ABHD2: variants seen among roughly 807,000 people sequenced by gnomAD.
The protein encoded by ABHD2 is monoacylglycerol lipase ABHD2.
ABHD2 carries 20 observed loss-of-function variants against 48.1 expected under a neutral mutation model. The observed-to-expected ratio is 0.42, with a 90% CI of 0.29 to 0.60. ABHD2 has a LOEUF of 0.60. Ranked by LOEUF, ABHD2 falls within the 20% of genes least tolerant of loss-of-function variation. ABHD2 has a pLI of 0.24. For synonymous variants in ABHD2, 209 were observed against 214.2 expected (o/e 0.98, Z 0.21); for missense variants, 405 against 550.9 (o/e 0.74, Z 2.65).
the ABHD2 span, among the ~76,000 whole-genome samples, chr15:89,064,879 G>T: frequency 3.5e-4 from 53 of 152,044 alleles, no homozygotes; most frequent in Non-Finnish European, 6.8e-4. Flanking sequence ...CCTACTCCCA[G>T]CTGAAGAAAT....
In ABHD2 at chr15:89,175,856, A is replaced by G. The variant is rs147649579; in HGVS notation, c.583A>G (p.Thr195Ala). 7.4e-6 allele frequency: 12 copies of G among 1,614,092 alleles called. No individual in the cohort carries two copies. In the African/African-American group the frequency reaches 1.6e-4, roughly 22 times the overall value. ...AGCCATGGTGAACTACATCAAGAAGACATATCCCCTGACCCAGCTGGTCGT... is the reference window on the plus strand; with the variant it reads ...AGCCATGGTGAACTACATCAAGAAGGCATATCCCCTGACCCAGCTGGTCGT... ...FGAMVNYIKK[T>A]YPLTQLVVVG... Residue 195 changes from threonine (T) to alanine (A), a missense_variant, in exon 6 of 11, where the codon ACA becomes GCA. Coordinates refer to ENST00000352732, the MANE Select transcript of ABHD2 (RefSeq NM_152924.5). This position sits in a 1 kb window ranked among gnomAD's most constrained non-coding sequence, Gnocchi z 5.7.
chr15:89,152,262 G>A (rs1013976399), intron 4 of ABHD2, among the ~76,000 whole-genome samples: 5 of 151,942 alleles, frequency 3.3e-5, no homozygotes, highest in Admixed American at 6.6e-5. Flanking sequence ...TGTATTTTTA[G>A]TAGAGACGGG....
In ABHD2 at chr15:89,165,025, G is replaced by A. The variant is rs556342487; in HGVS notation, c.538+9491G>A. ...CAAGGACGAGTTTAAGAACCTGCTC[G>A]TGTTGAGCATAAAATTCTTCCTTCT... On this transcript the variant is annotated intron_variant, in intron 5 of 10. Coordinates refer to ENST00000352732, the MANE Select transcript of ABHD2 (RefSeq NM_152924.5). Among the ~76,000 whole-genome samples the A allele has an allele frequency of 3.9e-5, 6 of 152,340 alleles. No individual in the cohort carries two copies. In the South Asian group the frequency reaches 8.3e-4, roughly 21 times the overall value.
chr15:89,075,048 C>T, the ABHD2 span, among the ~76,000 whole-genome samples: 4 of 152,144 alleles, frequency 2.6e-5, no homozygotes, highest in Non-Finnish European at 5.9e-5. The surrounding 1 kb of genome is among the most constrained non-coding windows in gnomAD (Gnocchi z 4.1). Flanking sequence ...TGGCCAAACC[C>T]AGAGGCCTTT....
At position 89,154,210 on chromosome 15, in the gene ABHD2, G is replaced by A. The variant is rs1191130384; in HGVS notation, c.371-1157G>A. The stretch of plus-strand genomic sequence containing the variant: ...CAAACGATCCTCCTGCCTCAGCCTC[G>A]CAAATGGTTGGAATACAGACGTGTG... On this transcript the variant is annotated intron_variant, in intron 4 of 10. Transcript: ENST00000352732. Among the ~76,000 whole-genome samples, 65 of 152,026 alleles carry A rather than the reference G, an allele frequency of 4.3e-4. 1 individual carries two copies. The highest frequency in any genetic ancestry group is 4.2e-3 in the Admixed American group (64 of 15,262).
chr15:89,056,884 G>A, the ABHD2 span, among the ~76,000 whole-genome samples: 2 of 138,852 alleles, frequency 1.4e-5, no homozygotes, highest in Non-Finnish European at 1.6e-5. Context: ...TTTTCACACT[G>A]TTAATCCAGT....
At chr15:89,135,961 T>G in intron 3 of ABHD2, 1 of 401,850 alleles carries the variant, frequency 2.5e-6, no homozygotes, top group Non-Finnish European at 4.6e-6. Flanking sequence ...AGTTTCCCTT[T>G]TGTTGCCCAG....
At chr15:89,123,545 G>A (rs1207773322) in intron 3 of ABHD2, among the ~76,000 whole-genome samples, 2 of 145,998 alleles carry the variant, frequency 1.4e-5, no homozygotes, top group Non-Finnish European at 3.0e-5. Context: ...CCTCACAAAT[G>A]TGCTTCCTAG....
rs370406125 is a variant in ABHD2 at position 89,149,995 on chromosome 15, ACT to A, written c.195-1679_195-1678del. The stretch of plus-strand genomic sequence containing the variant: ...GCCAAGATTTTGAGGAGGGGACCTG[ACT>A]CTAAACTGGGAATGTGGCATCAGGA... On this transcript the variant is annotated intron_variant, in intron 3 of 10. Transcript: ENST00000352732. Among the ~76,000 whole-genome samples, 238 of 152,226 alleles carry A rather than the reference ACT, an allele frequency of 1.6e-3. 1 individual carries two copies. The highest frequency in any genetic ancestry group is 5.4e-3 in the African/African-American group (225 of 41,512).
chr15:89,195,363 A>G lies in ABHD2; in HGVS notation c.1218A>G (p.Gln406=), dbSNP rs1286055945. 2.5e-6 allele frequency: 4 copies of G among 1,614,184 alleles called. No individual in the cohort carries two copies. The highest frequency in any genetic ancestry group is 2.2e-5 in the East Asian group (1 of 44,878). ...LVVEYANAIC[Q]WERNKLQCSD... ...TGGAGTACGCCAACGCCATTTGCCA[A>G]TGGGAGCGTAACAAGTTGCAGTGCT... The change falls in exon 11 of 11, where the codon CAA becomes CAG. Residue 406 remains glutamine, a synonymous_variant. Transcript: ENST00000352732. The surrounding 1 kb of genome is among the most constrained non-coding windows in gnomAD (Gnocchi z 5.1).
chr15:89,135,584 C>T, intron 3 of ABHD2: 1 of 1,534,452 alleles, frequency 6.5e-7, no homozygotes, highest in South Asian at 1.1e-5. Context: ...TCATTCTTAT[C>T]CTCTTCATCT....
chr15:89,045,553 GTTTGTATCCTC>G, the ABHD2 span, among the ~76,000 whole-genome samples: 40 of 152,176 alleles, frequency 2.6e-4, no homozygotes, highest in African/African-American at 9.4e-4. Context: ...TCTTCCATTT[GTTTGTATCCTC>G]TTTTATTTCC....
the ABHD2 span, among the ~76,000 whole-genome samples, chr15:89,054,693 AG>A: frequency 6.8e-6 from 1 of 147,256 alleles, no homozygotes; most frequent in Admixed American, 6.8e-5. Flanking sequence ...AAAAGAAAAA[AG>A]AAAAAAAAAA....
In ABHD2 at chr15:89,189,675, T is replaced by C. The variant is rs2051271498; in HGVS notation, c.926+1372T>C. On this transcript the variant is annotated intron_variant, in intron 8 of 10. Coordinates refer to ENST00000352732, the MANE Select transcript of ABHD2 (RefSeq NM_152924.5). The surrounding 1 kb of genome is among the most constrained non-coding windows in gnomAD (Gnocchi z 4.9). ...AACGTTGAAATATGCCTGCTAACAGTTTCTCAAAGGAAATGAAAACTAGGA... is the reference window on the plus strand; with the variant it reads ...AACGTTGAAATATGCCTGCTAACAGCTTCTCAAAGGAAATGAAAACTAGGA... Among the ~76,000 whole-genome samples the C allele has an allele frequency of 6.6e-6, 1 of 152,064 alleles. No homozygotes were observed. Among genetic ancestry groups the C allele is most frequent in the African/African-American group, 2.4e-5 (1 of 41,394 alleles).
rs552274160 is a variant in ABHD2, at chr15:89,092,907, T to C, written c.-107+4344T>C. On this transcript the variant is annotated intron_variant, in intron 1 of 10. Coordinates refer to ENST00000352732, the MANE Select transcript of ABHD2 (RefSeq NM_152924.5). This position sits in a 1 kb window ranked among gnomAD's most constrained non-coding sequence, Gnocchi z 4.4. ...TTAGGCAGCAGCTTTGCTGGAGATC[T>C]TAAAGATCTTGTGAATATTTGGAGG... Among the ~76,000 whole-genome samples, 1 of 152,364 alleles carries C rather than the reference T, an allele frequency of 6.6e-6. No homozygotes were observed. The highest frequency in any genetic ancestry group is 2.1e-4 in the South Asian group (1 of 4,832).
chr15:89,042,264 C>T, the ABHD2 span, among the ~76,000 whole-genome samples: 1 of 152,162 alleles, frequency 6.6e-6, no homozygotes, highest in African/African-American at 2.4e-5. Context: ...CTGCTTAGGA[C>T]CACTCAGTGA....
At position 89,195,766 on chromosome 15, in the gene ABHD2, C is replaced by CTG; in HGVS notation, c.*343_*344insTG. 1 of 236,984 alleles carries CTG rather than the reference C, an allele frequency of 4.2e-6. No homozygotes were observed. Among genetic ancestry groups the CTG allele is most frequent in the African/African-American group, 2.3e-5 (1 of 43,994 alleles). The allele number at this position is 236,984 out of a possible 1,614,324, so 14.7% of individuals were successfully genotyped here. A position where few individuals can be genotyped will look rare whatever the true frequency, so the allele number is the denominator to read the frequency against. On this transcript the variant is annotated 3_prime_UTR_variant, in exon 11 of 11. Coordinates refer to ENST00000352732, the MANE Select transcript of ABHD2 (RefSeq NM_152924.5). This position sits in a 1 kb window ranked among gnomAD's most constrained non-coding sequence, Gnocchi z 5.1. ...CTGAATAGCGATTTTGCTTTGCCAC[C>CTG]AAAAGGCTTTTCCCTGAGAACAGTG...
chr15:89,085,721 A>G (rs921129730), upstream of ABHD2, among the ~76,000 whole-genome samples: 18 of 152,194 alleles, frequency 1.2e-4, no homozygotes, highest in African/African-American at 2.7e-4. The surrounding 1 kb of genome is among the most constrained non-coding windows in gnomAD (Gnocchi z 4.2). Flanking sequence ...CATTTACACA[A>G]TGGCGAGCCC....
intron 1 of ABHD2, among the ~76,000 whole-genome samples, chr15:89,112,127 A>G (rs1057068772): frequency 2.0e-4 from 30 of 152,108 alleles, no homozygotes; most frequent in African/African-American, 7.0e-4. Flanking sequence ...ACTAATAGGG[A>G]GTGGTGGGGA....
Sources: allele counts gnomAD v4.1 joint callset (sites outside exome capture counted in the v4.1 genomes callset), GRCh38; gene constraint gnomAD v4.1.1; non-coding constraint Gnocchi (gnomAD v3.1); transcripts MANE v1.5; gene names NCBI Gene and HGNC (gene_info 2026-07-23, HGNC 2026-07-21).